The following OSBPL11 variants were observed in gnomAD, a reference collection of about 807,000 sequenced individuals.
OSBPL11 encodes the protein oxysterol-binding protein-related protein 11.
A neutral mutation model predicts 84.4 loss-of-function variants in OSBPL11; 33 were observed. The ratio of observed to expected loss-of-function variants is 0.39; its 90% CI spans 0.30 to 0.52. OSBPL11 has a LOEUF of 0.52. Ranked by LOEUF, OSBPL11 falls within the 20% of genes least tolerant of loss-of-function variation. The pLI, the probability that OSBPL11 is intolerant of heterozygous loss-of-function variation, is 0.72. For missense variants in OSBPL11, 736 were observed against 901.1 expected (o/e 0.82, Z 2.35); for synonymous variants, 276 against 310.2 (o/e 0.89, Z 1.16).
intron 5 of OSBPL11, among the ~76,000 whole-genome samples, chr3:125,571,983 G>C (rs1276532283): frequency 6.6e-6 from 1 of 152,238 alleles, no homozygotes; most frequent in Non-Finnish European, 1.5e-5. Flanking sequence ...GCCTGCAAAA[G>C]CCGCAGACAC....
chr3:125,558,485 GCTTT>G (rs986062472), intron 8 of OSBPL11, among the ~76,000 whole-genome samples: 46 of 152,172 alleles, frequency 3.0e-4, no homozygotes, highest in Middle Eastern at 6.8e-3. Flanking sequence ...TGCTTCTTAT[GCTTT>G]CTATTTAAGT....
chr3:125,543,423 C>T (rs1005398746), intron 10 of OSBPL11, among the ~76,000 whole-genome samples: 18 of 151,818 alleles, frequency 1.2e-4, no homozygotes, highest in Admixed American at 2.6e-4. Context: ...TGAGCCACCG[C>T]GCCCAGCCTA....
At chr3:125,562,891 A>C (rs948357225) in intron 7 of OSBPL11, among the ~76,000 whole-genome samples, 1 of 151,982 alleles carries the variant, frequency 6.6e-6, no homozygotes, top group African/African-American at 2.4e-5. Context: ...GTGCCATTGC[A>C]CTCCAGCCTG....
At chr3:125,530,686 C>G in intron 12 of OSBPL11, 106 bp from the exon 13 acceptor site, 1 of 919,622 alleles carries the variant, frequency 1.1e-6, no homozygotes, top group East Asian at 2.5e-5. Context: ...TTTTCACATT[C>G]AAAAACAAGT....
intron 5 of OSBPL11, among the ~76,000 whole-genome samples, chr3:125,573,426 A>T (rs1181711953): frequency 6.6e-6 from 1 of 152,352 alleles, no homozygotes; most frequent in Non-Finnish European, 1.5e-5. Flanking sequence ...GCATAGTACC[A>T]GCATGAAGCA....
intron 5 of OSBPL11, 122 bp downstream of exon 5, chr3:125,576,067 C>A: frequency 2.5e-6 from 2 of 816,214 alleles, no homozygotes; most frequent in South Asian, 1.8e-5. Context: ...ATTATCTCAG[C>A]ATACTAGATA....
At chr3:125,546,797 CA>C (rs1216471601) in intron 10 of OSBPL11, among the ~76,000 whole-genome samples, 1 of 151,524 alleles carries the variant, frequency 6.6e-6, no homozygotes, top group Non-Finnish European at 1.5e-5. Flanking sequence ...GGCTGAGGCA[CA>C]AAAATCGCTT....
At chr3:125,544,069 GA>G (rs943710193) in intron 10 of OSBPL11, among the ~76,000 whole-genome samples, 11 of 146,864 alleles carry the variant, frequency 7.5e-5, no homozygotes, top group Admixed American at 2.1e-4. Flanking sequence ...TATGAACCAA[GA>G]TTTTTTTTTT....
intron 5 of OSBPL11, among the ~76,000 whole-genome samples, chr3:125,570,886 G>C (rs988462358): frequency 1.3e-5 from 2 of 152,132 alleles, no homozygotes; most frequent in African/African-American, 4.8e-5. Context: ...ACAGTAAATT[G>C]GTACCGGAAG....
At chr3:125,577,649 G>A (rs568777813) in intron 4 of OSBPL11, among the ~76,000 whole-genome samples, 10 of 152,030 alleles carry the variant, frequency 6.6e-5, no homozygotes, top group South Asian at 2.1e-4. Context: ...CCAACATGGC[G>A]AAACCCCGTC....
At chr3:125,577,681 T>C (rs887887652) in intron 4 of OSBPL11, among the ~76,000 whole-genome samples, 3 of 151,984 alleles carry the variant, frequency 2.0e-5, no homozygotes, top group African/African-American at 7.3e-5. Flanking sequence ...TACAAAAAAT[T>C]AGCCGGGCGT....
Position 125,594,733 on chromosome 3 carries a change from G to A in OSBPL11, c.68C>T (p.Ala23Val), listed in dbSNP as rs1936654217. 2 of 1,614,068 alleles carry A rather than the reference G, an allele frequency of 1.2e-6. No individual in the cohort carries two copies. The highest frequency in any genetic ancestry group is 1.1e-5 in the South Asian group (1 of 91,090). ...GTTCTTGTTCGGGGTCACCGCTGTG[G>A]CCTGGCCCTCCAGCTTTCCTTCGCT... is the stretch of plus-strand genomic sequence containing the variant. ...SESEGKLEGQ[A>V]TAVTPNKNSS... Residue 23 changes from alanine to valine, a missense_variant, in exon 1 of 13, where the codon GCC (alanine) becomes GTC (valine). By Grantham distance (64) the Ala-to-Val change is moderately conservative. Transcript: ENST00000296220.
At chr3:125,573,531 T>C (rs558198690) in intron 5 of OSBPL11, among the ~76,000 whole-genome samples, 103 of 152,132 alleles carry the variant, frequency 6.8e-4, no homozygotes, top group Non-Finnish European at 1.3e-3. Context: ...TTGTAATAAA[T>C]TCATTTTCAA....
chr3:125,563,882 A>G lies in OSBPL11; in HGVS notation c.869-39T>C, dbSNP rs904954959. Reference sequence around the variant, plus strand: ...AGAAAACTTTCGCTGAAACTTGCTCATAATCTAGAAAGTTCGGCAGATGTG... The same window carrying G: ...AGAAAACTTTCGCTGAAACTTGCTCGTAATCTAGAAAGTTCGGCAGATGTG... On this transcript the variant is annotated intron_variant, in intron 6 of 12. Transcript: ENST00000296220. 5.6e-6 allele frequency: 9 copies of G among 1,605,568 alleles called. No individual in the cohort carries two copies. In the East Asian group the frequency reaches 1.1e-4, roughly 20 times the overall value.
chr3:125,564,046 A>G (rs1356240684), intron 6 of OSBPL11, among the ~76,000 whole-genome samples: 1 of 152,240 alleles, frequency 6.6e-6, no homozygotes, highest in Non-Finnish European at 1.5e-5. Flanking sequence ...TTGCAACTTG[A>G]TATCAGATAC....
chr3:125,580,557 A>G (rs1271820810), intron 2 of OSBPL11, among the ~76,000 whole-genome samples: 1 of 151,848 alleles, frequency 6.6e-6, no homozygotes, highest in Admixed American at 6.6e-5. Context: ...TGAGTTTAAT[A>G]AAAGATATAA....
intron 1 of OSBPL11, among the ~76,000 whole-genome samples, chr3:125,590,299 T>C (rs775881694): frequency 2.6e-4 from 40 of 152,184 alleles, no homozygotes; most frequent in Admixed American, 7.9e-4. Flanking sequence ...CCTGTAATCC[T>C]AGTACTTCAG....
At chr3:125,536,308 A>G (rs1580031618) in intron 11 of OSBPL11, among the ~76,000 whole-genome samples, 1 of 152,336 alleles carries the variant, frequency 6.6e-6, no homozygotes, top group Middle Eastern at 3.4e-3. Context: ...TATTTTTTCA[A>G]ATAACTTATA....
intron 10 of OSBPL11, among the ~76,000 whole-genome samples, chr3:125,540,607 C>A (rs1213086247): frequency 6.6e-6 from 1 of 152,166 alleles, no homozygotes; most frequent in East Asian, 1.9e-4. Flanking sequence ...GGAAGTGACA[C>A]TGAACATTTA....
Sources: allele counts gnomAD v4.1 joint callset (sites outside exome capture counted in the v4.1 genomes callset), GRCh38; gene constraint gnomAD v4.1.1; transcripts MANE v1.5; gene names NCBI Gene and HGNC (gene_info 2026-07-23, HGNC 2026-07-21).